The following CACNA2D4 variants were observed in gnomAD, a reference collection of about 807,000 sequenced individuals.
The protein encoded by CACNA2D4 is voltage-dependent calcium channel subunit alpha-2/delta-4.
In CACNA2D4, 157 loss-of-function variants were observed where a neutral mutation model predicts 163.8. The ratio of observed to expected loss-of-function variants is 0.96; its 90% CI spans 0.84 to 1.09. CACNA2D4 has a LOEUF of 1.09. CACNA2D4 is among the 50% of genes least tolerant of loss of function. The pLI is 0.00. For synonymous variants in CACNA2D4, 598 were observed against 586.9 expected (o/e 1.02, Z -0.27); for missense variants, 1,410 against 1,479.9 (o/e 0.95, Z 0.78).
At position 1,798,934 on chromosome 12, in the gene CACNA2D4, C is replaced by T. The variant is rs984163964; in HGVS notation, c.2995+741G>A. ...CCCTGAGCCCAGGGGCAGAGGAAGC[C>T]CCAAGCCAAGGCCAGCAGAAGAGAA... On this transcript the variant is annotated intron_variant, in intron 34 of 37. Transcript: ENST00000382722. This position sits in a 1 kb window ranked among gnomAD's most constrained non-coding sequence, Gnocchi z 4.3. Among the ~76,000 whole-genome samples, 2 of 152,072 alleles carry T rather than the reference C, an allele frequency of 1.3e-5. No individual in the cohort carries two copies. Among genetic ancestry groups the T allele is most frequent in the Admixed American group, 6.5e-5 (1 of 15,276 alleles).
chr12:1,886,036 T>G lies in CACNA2D4; in HGVS notation c.997A>C (p.Asn333His), dbSNP rs377754588. The G allele has an allele frequency of 9.3e-6, 15 of 1,612,738 alleles. No homozygotes were observed. The highest frequency in any genetic ancestry group is 1.3e-5 in the Non-Finnish European group (15 of 1,178,998). The change falls in exon 9 of 38, where the codon AAT becomes CAT. Residue 333 changes from asparagine to histidine, a missense_variant. Physicochemically the swap from Asn to His is moderately conservative, Grantham distance 68 (BLOSUM62 1). Transcript: ENST00000382722. ...ENDFINIIAYNDYVHYIEPCF... is the reference protein window; with the variant it reads ...ENDFINIIAYHDYVHYIEPCF... ...GGCTCGATGTAATGGACGTAGTCAT[T>G]GTACTGCAGTTGCAGTGAGTTGAGG...
chr12:1,913,353 G>A (rs1199161836), intron 2 of CACNA2D4, among the ~76,000 whole-genome samples: 1 of 152,288 alleles, frequency 6.6e-6, no homozygotes, highest in Non-Finnish European at 1.5e-5. Context: ...TGTTCCAGGT[G>A]CTCTAGACGC....
At chr12:1,891,503 GTAAGGA>G (rs1355761559) in intron 6 of CACNA2D4, among the ~76,000 whole-genome samples, 11 of 152,086 alleles carry the variant, frequency 7.2e-5, no homozygotes, top group African/African-American at 2.7e-4. Context: ...AGATATCAAT[GTAAGGA>G]CACAAGAAAT....
At chr12:1,800,083 C>T in intron 32 of CACNA2D4, 31 bp from the exon 33 acceptor site, 1 of 1,575,996 alleles carries the variant, frequency 6.3e-7, no homozygotes, top group Non-Finnish European at 8.6e-7. Flanking sequence ...TCTCGGAGAC[C>T]TCTGAGCCCT....
intron 24 of CACNA2D4, among the ~76,000 whole-genome samples, chr12:1,845,085 G>C (rs376864911): frequency 5.9e-5 from 9 of 152,042 alleles, no homozygotes; most frequent in Non-Finnish European, 1.3e-4. Context: ...GAAGCAGGGT[G>C]GGGGTGGGGA....
chr12:1,885,685 A>G (rs1395611871), intron 9 of CACNA2D4, among the ~76,000 whole-genome samples: 1 of 152,210 alleles, frequency 6.6e-6, no homozygotes, highest in Non-Finnish European at 1.5e-5. Context: ...GCAAAAGGGG[A>G]AATTGAGTCC....
chr12:1,800,603 C>G (rs996420377), intron 31 of CACNA2D4, 165 bp from the exon 32 acceptor site: 1 of 659,392 alleles, frequency 1.5e-6, no homozygotes, highest in Admixed American at 2.4e-5. Context: ...CCCATCCCCC[C>G]ACCTCCCACC....
intron 23 of CACNA2D4, among the ~76,000 whole-genome samples, chr12:1,851,828 A>G (rs760133971): frequency 6.6e-6 from 1 of 151,694 alleles, no homozygotes; most frequent in African/African-American, 2.4e-5. Context: ...TATCTTTATG[A>G]TGTTGAAGTC....
rs373973289 is a variant in CACNA2D4, at chr12:1,814,319, A to G, written c.2552-2596T>C. On this transcript the variant is annotated intron_variant, in intron 26 of 37. Transcript: ENST00000382722. Reference sequence around the variant, plus strand: ...ATGGGGGGAGCAGGGCACAGAGCATATTTTCCCCCACTTGGTTCCATTCCA... The same window carrying G: ...ATGGGGGGAGCAGGGCACAGAGCATGTTTTCCCCCACTTGGTTCCATTCCA... 1.9e-3 allele frequency among the ~76,000 whole-genome samples: 282 copies of G among 152,054 alleles called. 1 individual carries two copies. The highest frequency in any genetic ancestry group is 6.4e-3 in the African/African-American group (265 of 41,448).
chr12:1,809,523 T>A, intron 29 of CACNA2D4: 1 of 702,904 alleles, frequency 1.4e-6, no homozygotes, highest in Non-Finnish European at 2.6e-6. Context: ...TATATCTGGA[T>A]TTGCTTCAGG....
chr12:1,814,669 AACT>A (rs1334903426), intron 26 of CACNA2D4, among the ~76,000 whole-genome samples: 1 of 152,102 alleles, frequency 6.6e-6, no homozygotes, highest in African/African-American at 2.4e-5. Flanking sequence ...TCAGTTCCAA[AACT>A]TTATAAATCT....
intron 25 of CACNA2D4, among the ~76,000 whole-genome samples, chr12:1,842,434 T>C (rs1209044389): frequency 1.3e-5 from 2 of 152,176 alleles, no homozygotes; most frequent in Admixed American, 1.3e-4. Context: ...GAAACGCGGT[T>C]GTTTTCCTTC....
chr12:1,880,891 C>T (rs1347165735), intron 13 of CACNA2D4, among the ~76,000 whole-genome samples: 3 of 152,198 alleles, frequency 2.0e-5, no homozygotes, highest in Non-Finnish European at 2.9e-5. Context: ...CCCTGGCTCC[C>T]AGAGAGCAGC....
intron 23 of CACNA2D4, among the ~76,000 whole-genome samples, chr12:1,850,162 G>A (rs1453185836): frequency 6.6e-6 from 1 of 152,176 alleles, no homozygotes; most frequent in Non-Finnish European, 1.5e-5. Context: ...TCCCCTCGAC[G>A]GGGTTTGAAA....
intron 23 of CACNA2D4, among the ~76,000 whole-genome samples, chr12:1,848,464 G>A (rs1865202389): frequency 6.6e-6 from 1 of 152,160 alleles, no homozygotes; most frequent in Admixed American, 6.5e-5. Flanking sequence ...CTTCACAAGA[G>A]GCACACACTC....
At chr12:1,813,595 G>C (rs1255318593) in intron 26 of CACNA2D4, among the ~76,000 whole-genome samples, 1 of 152,202 alleles carries the variant, frequency 6.6e-6, no homozygotes, top group African/African-American at 2.4e-5. Context: ...TGTTGTTCTA[G>C]AGCTCATCTG....
chr12:1,912,838 CCT>C (rs1357717772), intron 3 of CACNA2D4, among the ~76,000 whole-genome samples, 183 bp downstream of exon 3: 7 of 152,120 alleles, frequency 4.6e-5, no homozygotes, highest in Admixed American at 3.3e-4. Context: ...CCTGTCATTT[CCT>C]CTTTCACAGG....
intron 6 of CACNA2D4, among the ~76,000 whole-genome samples, chr12:1,896,950 A>G (rs1397198392): frequency 6.6e-6 from 1 of 152,222 alleles, no homozygotes; most frequent in Non-Finnish European, 1.5e-5. Context: ...CACAGAATGG[A>G]ATATTTGGCC....
rs1863554627 is a variant in CACNA2D4 at position 1,806,836 on chromosome 12, C to A, written c.2721+3442G>T. Among the ~76,000 whole-genome samples, 1 of 152,088 alleles carries A rather than the reference C, an allele frequency of 6.6e-6. No homozygotes were observed. Among genetic ancestry groups the A allele is most frequent in the Non-Finnish European group, 1.5e-5 (1 of 68,024 alleles). The stretch of plus-strand genomic sequence containing the variant: ...AGATGCTGGGGCTTCTGTCCTTCAG[C>A]CACACTGGAGGCCTAGAGATAAGCA... On this transcript the variant is annotated intron_variant, in intron 29 of 37. Transcript: ENST00000382722. The surrounding 1 kb of genome is among the most constrained non-coding windows in gnomAD (Gnocchi z 4.1).
Sources: gnomAD v4.1 joint callset for allele counts (sites outside exome capture counted in the v4.1 genomes callset) on GRCh38, gnomAD v4.1.1 for gene constraint, Gnocchi (gnomAD v3.1) non-coding constraint, MANE v1.5 for transcripts, NCBI Gene and HGNC (gene_info 2026-07-23, HGNC 2026-07-21) for gene names.